The following MEAF6 variants were observed in gnomAD, a reference collection of about 807,000 sequenced individuals.
MEAF6 encodes MYST/Esa1 associated factor 6.
Under a neutral mutation model 28.9 loss-of-function variants are expected in MEAF6, and 15 were observed. The observed-to-expected ratio is 0.52, with a 90% CI of 0.35 to 0.80. The LOEUF (loss-of-function observed/expected upper bound fraction) is 0.80. Among genes scored for constraint, MEAF6 ranks in the 30% least tolerant of loss-of-function variants. The pLI is 0.01. For missense variants in MEAF6, 178 were observed against 237.5 expected, an observed-to-expected ratio of 0.75 and a Z score of 1.65; for synonymous variants, 97 against 88.7, an observed-to-expected ratio of 1.09 and a Z score of -0.53.
In MEAF6 at chr1:37,509,537, G is replaced by C. The variant is rs1306489236; in HGVS notation, c.212C>G (p.Ser71Cys). Residue 71 changes from serine to cysteine, a missense_variant, in exon 3 of 7, where the codon TCC becomes TGC. Ser to Cys is a moderately radical substitution (Grantham distance 112). Transcript: ENST00000296214. ...GTTCCTTCGATCATTTTTGCTATTG[G>C]AGTTTCTAAAACACAGAAGAAACTC... is the stretch of plus-strand genomic sequence containing the variant. ...WDRYLTNQKN[S>C]NSKNDRRNRK... is the part of the protein sequence containing the mutation. 10 of 1,613,526 alleles carry C rather than the reference G, an allele frequency of 6.2e-6. No individual in the cohort carries two copies. In the Admixed American group the frequency reaches 6.7e-5, roughly 11 times the overall value.
In MEAF6 at chr1:37,492,221, G is replaced by C. The variant is rs954521912; in HGVS notation, c.*1878C>G. Reference sequence around the variant, plus strand: ...TTTTTTGCATTTTTAGTAGAGATGGGGTTTCACTGTGTTCGCCAGGATGGT... The same window carrying C: ...TTTTTTGCATTTTTAGTAGAGATGGCGTTTCACTGTGTTCGCCAGGATGGT... On this transcript the variant is annotated 3_prime_UTR_variant, in exon 7 of 7. Transcript: ENST00000296214. 6.6e-6 allele frequency among the ~76,000 whole-genome samples: 1 copy of C among 151,892 alleles called. No homozygotes were observed. Among genetic ancestry groups the C allele is most frequent in the African/African-American group, 2.4e-5 (1 of 41,358 alleles).
intron 4 of MEAF6, 34 bp downstream of exon 4, chr1:37,509,244 T>C (rs2148084959): frequency 6.3e-7 from 1 of 1,597,442 alleles, no homozygotes; most frequent in East Asian, 2.2e-5. Context: ...AGCTTAAAAA[T>C]AAACTGATGA....
Position 37,494,024 on chromosome 1 carries a change from G to A in MEAF6, c.*75C>T. 1.9e-6 allele frequency: 3 copies of A among 1,595,906 alleles called. No homozygotes were observed. Among genetic ancestry groups the A allele is most frequent in the Non-Finnish European group, 2.6e-6 (3 of 1,174,884 alleles). On this transcript the variant is annotated 3_prime_UTR_variant, in exon 7 of 7. Coordinates refer to ENST00000296214, the MANE Select transcript of MEAF6 (RefSeq NM_001270875.3). ...GTGGATGGCCACGAACTCAGGTGAA[G>A]GATGTTTATCTTTGTGAGGTCAGAG...
In MEAF6 at chr1:37,509,501, T is replaced by C; in HGVS notation, c.248A>G (p.Lys83Arg). The C allele has an allele frequency of 6.2e-7, 1 of 1,614,088 alleles. No homozygotes were observed. Among genetic ancestry groups the C allele is most frequent in the Non-Finnish European group, 8.5e-7 (1 of 1,180,018 alleles). ...SKNDRRNRKF[K>R]EAERLFSKSS... ...TTTACTGAAGAGCCGCTCAGCTTCC[T>C]TAAACTTCCGGTTCCTTCGATCATT... Residue 83 changes from lysine (K) to arginine (R), a missense_variant, in exon 3 of 7, where the codon AAG becomes AGG. Lys to Arg is a conservative substitution (Grantham distance 26). This residue lies in a region of MEAF6 where 124 missense variants were observed against 200.5 expected (regional missense o/e 0.62). Transcript: ENST00000296214.
chr1:37,508,468 A>ATATC (rs1642560315), intron 4 of MEAF6, among the ~76,000 whole-genome samples: 1 of 151,732 alleles, frequency 6.6e-6, no homozygotes, highest in South Asian at 2.1e-4. Context: ...TTGTAGAGAC[A>ATATC]GAGTCTTGCT....
chr1:37,510,955 G>A lies in MEAF6; in HGVS notation c.207-1413C>T, dbSNP rs542420128. ...GGCTAGTCTTGAACTCCCAACCTCA[G>A]GTGATCCACTCGCCTCGGCCTCCCA... is the stretch of plus-strand genomic sequence containing the variant. On this transcript the variant is annotated intron_variant, in intron 2 of 6. Transcript: ENST00000296214. Among the ~76,000 whole-genome samples, 337 of 150,144 alleles carry A rather than the reference G, an allele frequency of 2.2e-3. 3 individuals carry two copies. Among genetic ancestry groups the A allele is most frequent in the Middle Eastern group, 7.4e-3 (2 of 270 alleles).
Position 37,490,400 on chromosome 1 carries a change from T to C in MEAF6, c.*3699A>G, listed in dbSNP as rs1180489093. Reference sequence around the variant, plus strand: ...ATCCCTTCTTTTCACTATCATTGTATCTGACACACACATCACCTTCCTAGG... The same window carrying C: ...ATCCCTTCTTTTCACTATCATTGTACCTGACACACACATCACCTTCCTAGG... On this transcript the variant is annotated 3_prime_UTR_variant, in exon 7 of 7. Transcript: ENST00000296214. 6.6e-6 allele frequency among the ~76,000 whole-genome samples: 1 copy of C among 152,168 alleles called. No homozygotes were observed. Among genetic ancestry groups the C allele is most frequent in the African/African-American group, 2.4e-5 (1 of 41,428 alleles).
intron 6 of MEAF6, among the ~76,000 whole-genome samples, 165 bp downstream of exon 6, chr1:37,495,720 C>CA (rs1310764454): frequency 2.9e-4 from 25 of 86,550 alleles, no homozygotes; most frequent in African/African-American, 7.3e-4. Context: ...AAAAAAAAAA[C>CA]AAAAAAACCA....
chr1:37,492,195 A>AT lies in MEAF6; in HGVS notation c.*1903dup, dbSNP rs1641957732. On this transcript the variant is annotated 3_prime_UTR_variant, in exon 7 of 7. Transcript: ENST00000296214. Reference sequence around the variant, plus strand: ...CGGCACCCGCCACCACGCTCAGCTAATTTTTTGCATTTTTAGTAGAGATGG... The same window carrying AT: ...CGGCACCCGCCACCACGCTCAGCTAATTTTTTTGCATTTTTAGTAGAGATGG... Among the ~76,000 whole-genome samples, 1 of 151,832 alleles carries AT rather than the reference A, an allele frequency of 6.6e-6. No homozygotes were observed. Among genetic ancestry groups the AT allele is most frequent in the African/African-American group, 2.4e-5 (1 of 41,318 alleles).
chr1:37,506,420 C>T (rs1642484634), intron 4 of MEAF6, among the ~76,000 whole-genome samples: 1 of 152,150 alleles, frequency 6.6e-6, no homozygotes. Context: ...GTCGCCCAGG[C>T]TAGAGTACAG....
chr1:37,492,297 G>A lies in MEAF6; in HGVS notation c.*1802C>T, dbSNP rs1641962422. 6.6e-6 allele frequency among the ~76,000 whole-genome samples: 1 copy of A among 151,812 alleles called. No individual in the cohort carries two copies. Among genetic ancestry groups the A allele is most frequent in the African/African-American group, 2.4e-5 (1 of 41,310 alleles). On this transcript the variant is annotated 3_prime_UTR_variant, in exon 7 of 7. Coordinates refer to ENST00000296214, the MANE Select transcript of MEAF6 (RefSeq NM_001270875.3). ...CCCGCTTCGGCCTCCCAAAGTGCTG[G>A]GATTACAGGTGTGAGCCACCGCACC... is the stretch of plus-strand genomic sequence containing the variant.
At chr1:37,506,840 C>A in intron 4 of MEAF6, among the ~76,000 whole-genome samples, 1 of 152,098 alleles carries the variant, frequency 6.6e-6, no homozygotes, top group South Asian at 2.1e-4. Context: ...AAAGTATGAG[C>A]CAGCCACTGC....
Position 37,513,472 on chromosome 1 carries a change from T to C in MEAF6, c.157A>G (p.Met53Val). Residue 53 changes from methionine (M) to valine (V), a missense_variant, in exon 2 of 7, where the codon ATG becomes GTG. Met to Val is a conservative substitution (Grantham distance 21). This residue lies in a region of MEAF6 where 124 missense variants were observed against 200.5 expected (regional missense o/e 0.62). Coordinates refer to ENST00000296214, the MANE Select transcript of MEAF6 (RefSeq NM_001270875.3). ...FEGSYLEDTQ[M>V]YGNIIRGWDR... ...CAGCCACGAATAATATTGCCATACATCTGAGTGTCTTCCAGGTAGCTTCCC... is the reference window on the plus strand; with the variant it reads ...CAGCCACGAATAATATTGCCATACACCTGAGTGTCTTCCAGGTAGCTTCCC... The C allele has an allele frequency of 3.7e-6, 6 of 1,614,230 alleles. No individual in the cohort carries two copies. The highest frequency in any genetic ancestry group is 5.1e-6 in the Non-Finnish European group (6 of 1,180,042).
intron 4 of MEAF6, among the ~76,000 whole-genome samples, chr1:37,503,494 CA>C (rs1297204791): frequency 6.6e-6 from 1 of 151,570 alleles, no homozygotes; most frequent in African/African-American, 2.4e-5. Flanking sequence ...TCTATAAAAA[CA>C]AAAATTAAAA....
chr1:37,514,753 CTG>C lies in MEAF6; in HGVS notation c.-9_-8del. 1.4e-6 allele frequency: 2 copies of C among 1,455,046 alleles called. No individual in the cohort carries two copies. Among genetic ancestry groups the C allele is most frequent in the Non-Finnish European group, 1.8e-6 (2 of 1,103,198 alleles). The allele number at this position is 1,455,046 out of a possible 1,614,324, so 90.1% of individuals were successfully genotyped here. ...CCTTGTTGTGCATCGCCATGTTGGG[CTG>C]AGGCGGGCGGCGGCGGCGCGAGGTT... is the stretch of plus-strand genomic sequence containing the variant. On this transcript the variant is annotated 5_prime_UTR_variant, in exon 1 of 7. Transcript: ENST00000296214.
intron 1 of MEAF6, 142 bp downstream of exon 1, chr1:37,514,515 A>G (rs1642776149): frequency 2.1e-6 from 1 of 480,228 alleles, no homozygotes; most frequent in South Asian, 5.1e-5. Context: ...CAGAATGCGC[A>G]CCCGGCCTCA....
intron 1 of MEAF6, 70 bp downstream of exon 1, chr1:37,514,587 C>G: frequency 7.9e-7 from 1 of 1,267,264 alleles, no homozygotes; most frequent in Non-Finnish European, 1.0e-6. Flanking sequence ...CTAGCGCGGC[C>G]GGGCTTGGGG....
rs1346003505 is a variant in MEAF6, at chr1:37,490,828, C to T, written c.*3271G>A. ...GATTACGAAGTCAGGAGTTTGAGTCCAGCCTGGCCAATATGGTGAAACCCG... is the reference window on the plus strand; with the variant it reads ...GATTACGAAGTCAGGAGTTTGAGTCTAGCCTGGCCAATATGGTGAAACCCG... On this transcript the variant is annotated 3_prime_UTR_variant, in exon 7 of 7. Coordinates refer to ENST00000296214, the MANE Select transcript of MEAF6 (RefSeq NM_001270875.3). Among the ~76,000 whole-genome samples, 1 of 151,726 alleles carries T rather than the reference C, an allele frequency of 6.6e-6. No individual in the cohort carries two copies. Among genetic ancestry groups the T allele is most frequent in the Admixed American group, 6.6e-5 (1 of 15,234 alleles).
In MEAF6 at chr1:37,491,072, G is replaced by GT. The variant is rs1382072925; in HGVS notation, c.*3026dup. ...TAATGCCTCATTAATTTGGAGTAAG[G>GT]TTGGGGGGCATAGAAGACAGAATAA... On this transcript the variant is annotated 3_prime_UTR_variant, in exon 7 of 7. Coordinates refer to ENST00000296214, the MANE Select transcript of MEAF6 (RefSeq NM_001270875.3). Among the ~76,000 whole-genome samples the GT allele has an allele frequency of 1.3e-5, 2 of 152,150 alleles. No homozygotes were observed. Among genetic ancestry groups the GT allele is most frequent in the African/African-American group, 4.8e-5 (2 of 41,430 alleles).
Sources: allele counts gnomAD v4.1 joint callset (sites outside exome capture counted in the v4.1 genomes callset), GRCh38; gene constraint gnomAD v4.1.1; regional missense constraint gnomAD v4.1.1; transcripts MANE v1.5; gene names NCBI Gene and HGNC (gene_info 2026-07-23, HGNC 2026-07-21).